EXT1: variants seen among roughly 807,000 people sequenced by gnomAD.
EXT1 encodes exostosin glycosyltransferase 1, also known as exostosin-1.
A neutral mutation model predicts 82.5 loss-of-function variants in EXT1; 20 were observed. The ratio of observed to expected loss-of-function variants is 0.24; its 90% CI spans 0.17 to 0.35. The LOEUF is 0.35. EXT1 is among the 10% of genes least tolerant of loss of function. The pLI, the probability that EXT1 is intolerant of heterozygous loss-of-function variation, is 1.00. For missense variants in EXT1, 757 were observed against 936.5 expected (o/e 0.81, Z 2.50); for synonymous variants, 348 against 350.8 (o/e 0.99, Z 0.09).
At chr8:117,899,156 C>A (rs1482636414) in intron 1 of EXT1, among the ~76,000 whole-genome samples, 1 of 152,170 alleles carries the variant, frequency 6.6e-6, no homozygotes, top group African/African-American at 2.4e-5. Context: ...TCAGAATAAG[C>A]ACTTACTAGG....
intron 1 of EXT1, among the ~76,000 whole-genome samples, chr8:117,844,163 ATTATTT>A (rs1304643969): frequency 6.8e-6 from 1 of 147,414 alleles, no homozygotes; most frequent in Non-Finnish European, 1.5e-5. Flanking sequence ...TATTATTATT[ATTATTT>A]TGAGACAAGA....
At chr8:117,925,981 T>C (rs2129641238) in intron 1 of EXT1, among the ~76,000 whole-genome samples, 1 of 152,298 alleles carries the variant, frequency 6.6e-6, no homozygotes, top group South Asian at 2.1e-4. Context: ...TTATCTCTTT[T>C]GGCTTCTCAA....
At chr8:118,013,854 C>A (rs1815953008) in intron 1 of EXT1, among the ~76,000 whole-genome samples, 1 of 152,086 alleles carries the variant, frequency 6.6e-6, no homozygotes, top group South Asian at 2.1e-4. Context: ...TTAACTGGGC[C>A]TCCTACATTT....
intron 1 of EXT1, among the ~76,000 whole-genome samples, chr8:117,849,776 G>A (rs1329691895): frequency 6.6e-6 from 1 of 152,134 alleles, no homozygotes; most frequent in African/African-American, 2.4e-5. Context: ...AAAGGATGAG[G>A]CCAAAAATTT....
At chr8:118,109,805 G>A (rs942720947) in intron 1 of EXT1, among the ~76,000 whole-genome samples, 1 of 152,066 alleles carries the variant, frequency 6.6e-6, no homozygotes, top group African/African-American at 2.4e-5. Context: ...CTCTTAACAG[G>A]AGACACGCCG....
At chr8:118,076,825 TTTTC>T (rs1405972932) in intron 1 of EXT1, among the ~76,000 whole-genome samples, 3 of 152,236 alleles carry the variant, frequency 2.0e-5, no homozygotes, top group African/African-American at 7.2e-5. Context: ...ATACAGTAAT[TTTTC>T]TTTGATTTCA....
Position 117,819,856 on chromosome 8 carries a change from T to A in EXT1, c.1418-62A>T. On this transcript the variant is annotated intron_variant, in intron 5 of 10. Coordinates refer to ENST00000378204, the MANE Select transcript of EXT1 (RefSeq NM_000127.3). Reference sequence around the variant, plus strand: ...TGGAAAGCAAGACTTAGAAAATTACTCCTCCTTGCTCCGCTGCCTCATGCT... The same window carrying A: ...TGGAAAGCAAGACTTAGAAAATTACACCTCCTTGCTCCGCTGCCTCATGCT... 2.1e-6 allele frequency: 3 copies of A among 1,447,856 alleles called. No individual in the cohort carries two copies. The South Asian group carries it at 3.4e-5, about 17-fold the overall frequency. The allele number at this position is 1,447,856 out of a possible 1,614,324, so 89.7% of individuals were successfully genotyped here.
chr8:118,095,963 C>T (rs564492450), intron 1 of EXT1, among the ~76,000 whole-genome samples: 2 of 152,290 alleles, frequency 1.3e-5, no homozygotes, highest in African/African-American at 4.8e-5. Context: ...TTTGCTTTTC[C>T]CCGCTTTGCC....
chr8:117,938,735 A>C (rs943112269), intron 1 of EXT1, among the ~76,000 whole-genome samples: 3 of 152,222 alleles, frequency 2.0e-5, no homozygotes, highest in Non-Finnish European at 4.4e-5. Context: ...GCCAATCTCT[A>C]TAACTGTTAA....
intron 3 of EXT1, among the ~76,000 whole-genome samples, chr8:117,834,389 G>A (rs148940543): frequency 3.1e-4 from 47 of 152,288 alleles, no homozygotes; most frequent in Non-Finnish European, 5.0e-4. Context: ...TGAATCACCT[G>A]AGGTTAGAAG....
At chr8:117,904,691 C>G (rs931314122) in intron 1 of EXT1, among the ~76,000 whole-genome samples, 9 of 152,140 alleles carry the variant, frequency 5.9e-5, no homozygotes, top group African/African-American at 9.7e-5. Context: ...TACCTGCCCC[C>G]CAACACCAGG....
chr8:117,955,800 G>A (rs897755822), intron 1 of EXT1, among the ~76,000 whole-genome samples: 1 of 152,128 alleles, frequency 6.6e-6, no homozygotes, highest in Non-Finnish European at 1.5e-5. Flanking sequence ...GAAGCAATTT[G>A]CCTGCCTTAG....
rs548921996 is a variant in EXT1, at chr8:118,105,908, T to C, written c.962+4177A>G. Reference sequence around the variant, plus strand: ...GCATTTTTACTTGCCTTGCACATATTTTCTTTTTGCTGTAAGTGCATGTAA... The same window carrying C: ...GCATTTTTACTTGCCTTGCACATATCTTCTTTTTGCTGTAAGTGCATGTAA... On this transcript the variant is annotated intron_variant, in intron 1 of 10. Transcript: ENST00000378204. Among the ~76,000 whole-genome samples, 4 of 152,310 alleles carry C rather than the reference T, an allele frequency of 2.6e-5. No homozygotes were observed. In the South Asian group the frequency reaches 8.3e-4, roughly 32 times the overall value.
At chr8:118,033,791 T>C (rs190982138) in intron 1 of EXT1, among the ~76,000 whole-genome samples, 1 of 152,336 alleles carries the variant, frequency 6.6e-6, no homozygotes, top group African/African-American at 2.4e-5. Context: ...CAGTTTCTCA[T>C]TTATTGAATG....
chr8:117,822,336 C>T (rs1811938016), intron 5 of EXT1, 129 bp downstream of exon 5: 2 of 1,053,974 alleles, frequency 1.9e-6, no homozygotes, highest in Admixed American at 1.9e-5. Flanking sequence ...TATAACAAGG[C>T]TCTAGAAAAA....
chr8:117,802,837 A>C (rs1823187478), intron 10 of EXT1, among the ~76,000 whole-genome samples: 1 of 152,226 alleles, frequency 6.6e-6, no homozygotes, highest in Non-Finnish European at 1.5e-5. Context: ...TGCTAAGGAC[A>C]GCTCTTTCAT....
At chr8:117,837,452 G>A (rs1433304865) in intron 1 of EXT1, among the ~76,000 whole-genome samples, 2 of 152,230 alleles carry the variant, frequency 1.3e-5, no homozygotes, top group African/African-American at 2.4e-5. Flanking sequence ...AAGTCTGATC[G>A]TTCTGGCAAC....
chr8:117,905,406 G>A (rs1055404378), intron 1 of EXT1, among the ~76,000 whole-genome samples: 1 of 152,212 alleles, frequency 6.6e-6, no homozygotes, highest in African/African-American at 2.4e-5. Flanking sequence ...TATGGTGCCT[G>A]GCACATGGGG....
chr8:117,863,430 ATGTTTGTTGTT>A (rs150043983), intron 1 of EXT1, among the ~76,000 whole-genome samples: 8,192 of 81,260 alleles, frequency 0.1, 207 homozygotes, highest in East Asian at 0.2. Flanking sequence ...TTTTTTTGGC[ATGTTTGTTGTT>A]TGTTTGTTGT....
Sources: allele counts gnomAD v4.1 joint callset (sites outside exome capture counted in the v4.1 genomes callset), GRCh38; gene constraint gnomAD v4.1.1; transcripts MANE v1.5; gene names NCBI Gene and HGNC (gene_info 2026-07-23, HGNC 2026-07-21).